Variants in TROAP observed in about 807,000 individuals in gnomAD.
TROAP encodes tastin.
In TROAP, 62 loss-of-function variants were observed where a neutral mutation model predicts 83.4. The ratio of observed to expected loss-of-function variants is 0.74; its 90% CI spans 0.61 to 0.92. TROAP has a LOEUF of 0.92. Among genes scored for constraint, TROAP ranks in the 40% least tolerant of loss-of-function variants. The pLI is 0.00. For missense variants in TROAP, 876 were observed against 985.1 expected (o/e 0.89, Z 1.48); for synonymous variants, 352 against 386.4 (o/e 0.91, Z 1.04).
intron 1 of TROAP, 106 bp from the exon 2 acceptor site, chr12:49,323,498 G>C: frequency 1.4e-6 from 2 of 1,460,212 alleles, no homozygotes; most frequent in Non-Finnish European, 9.3e-7. Context: ...GCTTGTGGGC[G>C]CGTGGATTAG....
Position 49,327,295 on chromosome 12 carries a change from C to T in TROAP, c.856C>T (p.Pro286Ser), listed in dbSNP as rs1233926114. ...VASLGLAQRV[P>S]LRENREMSHT... ...CTCTCTTGGTCTGGCCCAGCGAGTA[C>T]CATTAAGAGAAAACCGAGAAATGTC... is the stretch of plus-strand genomic sequence containing the variant. Residue 286 changes from proline (P) to serine (S), a missense_variant, in exon 8 of 15, where the codon CCA (proline) becomes TCA (serine). Pro to Ser is a moderately conservative substitution (Grantham distance 74). Transcript: ENST00000257909. 1.2e-6 allele frequency: 2 copies of T among 1,613,940 alleles called. No homozygotes were observed. Among genetic ancestry groups the T allele is most frequent in the Admixed American group, 1.7e-5 (1 of 59,978 alleles).
chr12:49,323,374 A>C, intron 1 of TROAP, 25 bp downstream of exon 1: 1 of 553,796 alleles, frequency 1.8e-6, no homozygotes. Flanking sequence ...TCTTGAAGGG[A>C]ACGAAGGCTG....
chr12:49,331,293 C>T lies in TROAP; in HGVS notation c.2178C>T (p.His726=), dbSNP rs780973428. The change falls in exon 14 of 15, where the codon CAC becomes CAT. Residue 726 remains histidine, a synonymous_variant. Transcript: ENST00000257909. The stretch of plus-strand genomic sequence containing the variant: ...GTTTAACCGCCATCCACTGCTTCCA[C>T]GAGGCTCGTCTGGACGATGAGTGTG... The part of the protein sequence containing the change: ...KSCLTAIHCF[H]EARLDDECAF... 5.5e-5 allele frequency: 89 copies of T among 1,614,116 alleles called. No individual in the cohort carries two copies. In the Admixed American group the frequency reaches 1.3e-3, roughly 24 times the overall value.
Position 49,330,804 on chromosome 12 carries a change from T to A in TROAP, c.1959T>A (p.Ser653Arg). The change falls in exon 13 of 15, where the codon AGT becomes AGA. Residue 653 changes from serine (S) to arginine (R), a missense_variant. Ser to Arg is a moderately radical substitution (Grantham distance 110, BLOSUM62 -1). Transcript: ENST00000257909. ...ASEPCTLEHR[S>R]LESSLPPCCS... Reference sequence around the variant, plus strand: ...AGCCCTGCACCCTGGAACATAGAAGTCTAGAGTCCAGTCTACCACCCTGCT... The same window carrying A: ...AGCCCTGCACCCTGGAACATAGAAGACTAGAGTCCAGTCTACCACCCTGCT... The A allele has an allele frequency of 6.2e-7, 1 of 1,613,850 alleles. No individual in the cohort carries two copies. Among genetic ancestry groups the A allele is most frequent in the Non-Finnish European group, 8.5e-7 (1 of 1,179,960 alleles).
chr12:49,326,587 G>A (rs923708444), intron 6 of TROAP, 81 bp from the exon 7 acceptor site: 14 of 1,375,382 alleles, frequency 1.0e-5, no homozygotes, highest in African/African-American at 7.2e-5. Flanking sequence ...GAAATGAGAT[G>A]ATGTTTGTAA....
rs1943546959 is a variant in TROAP at position 49,329,415 on chromosome 12, C to T, written c.1125C>T (p.Val375=). 1 of 1,612,660 alleles carries T rather than the reference C, an allele frequency of 6.2e-7. No individual in the cohort carries two copies. The part of the protein sequence containing the change: ...RVQQAQWLRG[V]SPQSCSEDPA... ...GCCAGGCCCAGTGGCTGCGTGGTGT[C>T]TCCCCTCAGTCCTGCTCTGAAGATC... Residue 375 remains valine (V), a synonymous_variant, in exon 11 of 15, where the codon GTC becomes GTT. Coordinates refer to ENST00000257909, the MANE Select transcript of TROAP (RefSeq NM_005480.4). This position sits in a 1 kb window ranked among gnomAD's most constrained non-coding sequence, Gnocchi z 4.5.
chr12:49,331,067 T>C (rs566050878), intron 13 of TROAP, 124 bp downstream of exon 13: 1 of 1,537,838 alleles, frequency 6.5e-7, no homozygotes, highest in East Asian at 2.3e-5. Context: ...TGGCCCAGCC[T>C]GGCTCTCCCT....
Position 49,330,692 on chromosome 12 carries a change from C to T in TROAP, c.1847C>T (p.Pro616Leu), listed in dbSNP as rs748370053. The T allele has an allele frequency of 3.1e-6, 5 of 1,614,100 alleles. No homozygotes were observed. In the South Asian group the frequency reaches 3.3e-5, roughly 11 times the overall value. Residue 616 changes from proline (P) to leucine (L), a missense_variant, in exon 13 of 15, where the codon CCA becomes CTA. Physicochemically the swap from Pro to Leu is moderately conservative, Grantham distance 98 (BLOSUM62 -3). Around this residue, in one of 3 missense-constraint regions of TROAP, gnomAD observed 184 missense variants for 238.3 expected, o/e 0.77. Transcript: ENST00000257909. ...EQLEVPEPCP[P>L]AEPGPLQPST... ...CTTGAGGTACCTGAGCCCTGCCCTCCAGCAGAACCCGGGCCCCTTCAGCCC... is the reference window on the plus strand; with the variant it reads ...CTTGAGGTACCTGAGCCCTGCCCTCTAGCAGAACCCGGGCCCCTTCAGCCC...
intron 7 of TROAP, 125 bp downstream of exon 7, chr12:49,326,845 C>CAGAAGG (rs1186316902): frequency 1.4e-5 from 15 of 1,078,634 alleles, no homozygotes; most frequent in Non-Finnish European, 2.0e-5. Flanking sequence ...GAGGCTAGGT[C>CAGAAGG]AGAAGGAGAA....
At chr12:49,326,018 C>G in intron 5 of TROAP, 58 bp from the exon 6 acceptor site, 2 of 1,607,508 alleles carry the variant, frequency 1.2e-6, no homozygotes, top group Non-Finnish European at 1.7e-6. Context: ...GGTGGTGAGG[C>G]CTGAGGGTTT....
At position 49,329,400 on chromosome 12, in the gene TROAP, G is replaced by C. The variant is rs150042997; in HGVS notation, c.1110G>C (p.Gln370His). 1.3e-4 allele frequency: 205 copies of C among 1,612,934 alleles called. No individual in the cohort carries two copies. In the African/African-American group the frequency reaches 2.3e-3, roughly 18 times the overall value. The change falls in exon 11 of 15, where the codon CAG (glutamine) becomes CAC (histidine). Residue 370 changes from glutamine (Q) to histidine (H), a missense_variant. By Grantham distance (24) the Gln-to-His change is conservative. Transcript: ENST00000257909. This position sits in a 1 kb window ranked among gnomAD's most constrained non-coding sequence, Gnocchi z 4.5. ...ACATCTCACTTCTGTGCCAGGCCCAGTGGCTGCGTGGTGTCTCCCCTCAGT... is the reference window on the plus strand; with the variant it reads ...ACATCTCACTTCTGTGCCAGGCCCACTGGCTGCGTGGTGTCTCCCCTCAGT... ...MPSTPRVQQAQWLRGVSPQSC... is the reference protein window; with the variant it reads ...MPSTPRVQQAHWLRGVSPQSC...
rs1390955923 is a variant in TROAP, at chr12:49,330,675, A to G, written c.1830A>G (p.Val610=). Residue 610 remains valine (V), a synonymous_variant, in exon 13 of 15, where the codon GTA becomes GTG. Transcript: ENST00000257909. Reference sequence around the variant, plus strand: ...CCTCTCGCCAGGAACAGCTTGAGGTACCTGAGCCCTGCCCTCCAGCAGAAC... The same window carrying G: ...CCTCTCGCCAGGAACAGCTTGAGGTGCCTGAGCCCTGCCCTCCAGCAGAAC... The part of the protein sequence containing the change: ...PESSRQEQLE[V]PEPCPPAEPG... 1.2e-6 allele frequency: 2 copies of G among 1,614,008 alleles called. No individual in the cohort carries two copies. The highest frequency in any genetic ancestry group is 1.7e-5 in the Admixed American group (1 of 60,012).
chr12:49,324,379 T>G (rs1789063277), intron 3 of TROAP: 1 of 513,430 alleles, frequency 1.9e-6, no homozygotes. Context: ...TAAATATCAC[T>G]TCTTCTGAAG....
intron 3 of TROAP, chr12:49,324,289 T>C (rs778476688): frequency 2.9e-6 from 4 of 1,393,314 alleles, no homozygotes; most frequent in Non-Finnish European, 3.0e-6. Context: ...GGAGGATCAC[T>C]GGAGGCCAGG....
chr12:49,331,243 G>T lies in TROAP; in HGVS notation c.2128G>T (p.Ala710Ser). ...CAGCAATCTGGCCCCTCGAACCCTAGCCCTGAGGGAGCGCCTCAAATCGTG... is the reference window on the plus strand; with the variant it reads ...CAGCAATCTGGCCCCTCGAACCCTATCCCTGAGGGAGCGCCTCAAATCGTG... ...GLSNLAPRTL[A>S]LRERLKSCLT... The change falls in exon 14 of 15, where the codon GCC becomes TCC. Residue 710 changes from alanine to serine, a missense_variant. Ala to Ser is a moderately conservative substitution (Grantham distance 99). Coordinates refer to ENST00000257909, the MANE Select transcript of TROAP (RefSeq NM_005480.4). The T allele has an allele frequency of 1.9e-6, 3 of 1,614,184 alleles. No individual in the cohort carries two copies. Among genetic ancestry groups the T allele is most frequent in the Non-Finnish European group, 2.5e-6 (3 of 1,180,034 alleles).
chr12:49,323,488 G>A, intron 1 of TROAP, 116 bp from the exon 2 acceptor site: 3 of 1,410,840 alleles, frequency 2.1e-6, no homozygotes, highest in Non-Finnish European at 2.9e-6. Context: ...GGCGCCGGGG[G>A]CTTGTGGGCG....
Position 49,326,004 on chromosome 12 carries a change from G to A in TROAP, c.634-72G>A, listed in dbSNP as rs536461285. 34 of 1,605,792 alleles carry A rather than the reference G, an allele frequency of 2.1e-5. No homozygotes were observed. In the African/African-American group the frequency reaches 2.3e-4, roughly 11 times the overall value. ...CAAGGGATCCTACTGGGGGAGATGG[G>A]GTTGGTGGTGAGGCCTGAGGGTTTG... On this transcript the variant is annotated intron_variant, in intron 5 of 14. Coordinates refer to ENST00000257909, the MANE Select transcript of TROAP (RefSeq NM_005480.4).
chr12:49,323,996 C>T lies in TROAP; in HGVS notation c.296C>T (p.Pro99Leu). Residue 99 changes from proline to leucine, a missense_variant, in exon 3 of 15, where the codon CCT (proline) becomes CTT (leucine). Physicochemically the swap from Pro to Leu is moderately conservative, Grantham distance 98 (BLOSUM62 -3). Around this residue, in one of 3 missense-constraint regions of TROAP, gnomAD observed 689 missense variants for 722.6 expected, o/e 0.95. Transcript: ENST00000257909. ...RNPLEELRPS[P>L]RGQNVGPGPP... ...CCCTTGGAAGAGCTCAGGCCTAGCCCTAGGGGTCAAAATGTGGGGCCTGGG... is the reference window on the plus strand; with the variant it reads ...CCCTTGGAAGAGCTCAGGCCTAGCCTTAGGGGTCAAAATGTGGGGCCTGGG... 1 of 1,614,034 alleles carries T rather than the reference C, an allele frequency of 6.2e-7. No individual in the cohort carries two copies. The highest frequency in any genetic ancestry group is 1.1e-5 in the South Asian group (1 of 91,080).
chr12:49,325,483 TCTC>T lies in TROAP; in HGVS notation c.338-14_338-12del, dbSNP rs765284738. ...CTCAGCCTTCCCCCTTCCTTTTCCT[TCTC>T]CTCTTTCCTTGCAGAGGCTCCAGGG... On this transcript the variant is annotated splice_polypyrimidine_tract_variant and intron_variant, in intron 3 of 14. Transcript: ENST00000257909. 201 of 1,608,794 alleles carry T rather than the reference TCTC, an allele frequency of 1.2e-4. 1 individual carries two copies. Among genetic ancestry groups the T allele is most frequent in the Non-Finnish European group, 9.7e-5 (114 of 1,177,322 alleles).
Sources: allele counts gnomAD v4.1 joint callset, GRCh38; gene constraint gnomAD v4.1.1; regional missense constraint gnomAD v4.1.1; non-coding constraint Gnocchi (gnomAD v3.1); transcripts MANE v1.5; gene names NCBI Gene and HGNC (gene_info 2026-07-23, HGNC 2026-07-21).